The following CUL1 variants were observed in gnomAD, a reference collection of about 807,000 sequenced individuals.
The protein encoded by CUL1 is cullin 1.
A neutral mutation model predicts 118.0 loss-of-function variants in CUL1; 24 were observed. The ratio of observed to expected loss-of-function variants is 0.20; its 90% CI spans 0.15 to 0.29. CUL1 has a LOEUF of 0.29. CUL1 is among the 10% of genes least tolerant of loss of function. The pLI is 1.00. For missense variants in CUL1, 361 were observed against 933.8 expected (o/e 0.39, Z 7.99); for synonymous variants, 332 against 340.4 (o/e 0.98, Z 0.27).
chr7:148,697,949 G>A (rs1339947531), upstream of CUL1: 2 of 152,226 alleles, frequency 1.3e-5, no homozygotes, highest in African/African-American at 2.4e-5. Context: ...ATCCGTATGT[G>A]TAATCAAAGC....
upstream of CUL1, chr7:148,698,500 G>A (rs543490048): frequency 6.6e-6 from 1 of 152,304 alleles, no homozygotes; most frequent in African/African-American, 2.4e-5. Flanking sequence ...GCCGGGTCGG[G>A]GATGTCTCGG....
chr7:148,797,210 A>T (rs1801230396), intron 17 of CUL1, among the ~76,000 whole-genome samples: 1 of 152,138 alleles, frequency 6.6e-6, no homozygotes, highest in South Asian at 2.1e-4. Context: ...CTTGCTGGGC[A>T]GCTCTTTAAT....
At position 148,707,973 on chromosome 7, in the gene CUL1, A is replaced by G. The variant is rs554737967; in HGVS notation, c.-162+8944A>G. On this transcript the variant is annotated intron_variant, in intron 1 of 21. Transcript: ENST00000325222. The stretch of plus-strand genomic sequence containing the variant: ...GTGTCCCCTTCTGAGTAGGGGCCAC[A>G]TCGCTCATTTCCCAGACTTGTGGAC... Among the ~76,000 whole-genome samples, 5 of 152,314 alleles carry G rather than the reference A, an allele frequency of 3.3e-5. No homozygotes were observed. The East Asian group carries it at 9.6e-4, about 29-fold the overall frequency.
intron 9 of CUL1, among the ~76,000 whole-genome samples, chr7:148,781,079 ATTTTTTTTTT>A (rs1197920664): frequency 1.1e-5 from 1 of 93,732 alleles, no homozygotes; most frequent in South Asian, 3.7e-4. Flanking sequence ...TCAAGGCCAG[ATTTTTTTTTT>A]TTTTTTTTTT....
At chr7:148,703,542 G>GT (rs202237152) in intron 1 of CUL1, among the ~76,000 whole-genome samples, 14,657 of 147,446 alleles carry the variant, frequency 0.099, 903 homozygotes, top group East Asian at 0.23. Flanking sequence ...TTTGTTTTTT[G>GT]TTTTTTTTGA....
chr7:148,732,432 TC>T (rs1221341023), intron 2 of CUL1, among the ~76,000 whole-genome samples: 2 of 150,740 alleles, frequency 1.3e-5, no homozygotes, highest in African/African-American at 4.9e-5. Flanking sequence ...AACCTCTGTC[TC>T]CCAGGCTTAA....
At chr7:148,699,837 C>T (rs1431318772) in intron 1 of CUL1, among the ~76,000 whole-genome samples, 2 of 151,972 alleles carry the variant, frequency 1.3e-5, no homozygotes, top group East Asian at 3.9e-4. Context: ...CGGGAGCGCG[C>T]GCCCTGACCC....
intron 2 of CUL1, among the ~76,000 whole-genome samples, chr7:148,740,391 T>C (rs79270370): frequency 0.032 from 4,876 of 152,238 alleles, 273 homozygotes; most frequent in African/African-American, 0.11. Flanking sequence ...TAGCATACAA[T>C]GCACTCATTT....
intron 2 of CUL1, among the ~76,000 whole-genome samples, chr7:148,737,580 TTA>T (rs144209875): frequency 1.6e-3 from 106 of 67,490 alleles, no homozygotes; most frequent in Non-Finnish European, 1.9e-3. Context: ...ATTTTTATAT[TTA>T]TTTATTTATT....
chr7:148,698,958 T>C lies in CUL1; in HGVS notation c.-233T>C, dbSNP rs1280746917. 2 of 153,380 alleles carry C rather than the reference T, an allele frequency of 1.3e-5. No homozygotes were observed. Among genetic ancestry groups the C allele is most frequent in the Non-Finnish European group, 2.9e-5 (2 of 68,680 alleles). The allele number at this position is 153,380 out of a possible 1,614,324, so 9.5% of individuals were successfully genotyped here. Reference sequence around the variant, plus strand: ...CAGCTAGACCTTGGCGGGACGGGGCTTTCGCCGGGGCCCAGGCCCAGGGAC... The same window carrying C: ...CAGCTAGACCTTGGCGGGACGGGGCCTTCGCCGGGGCCCAGGCCCAGGGAC... On this transcript the variant is annotated 5_prime_UTR_variant, in exon 1 of 22. Coordinates refer to ENST00000325222, the MANE Select transcript of CUL1 (RefSeq NM_003592.3).
intron 2 of CUL1, among the ~76,000 whole-genome samples, chr7:148,736,964 A>G (rs775430241): frequency 6.6e-6 from 1 of 152,246 alleles, no homozygotes; most frequent in East Asian, 1.9e-4. Context: ...ATGAGTTTTT[A>G]AAAATTGCTC....
chr7:148,791,201 A>G (rs1307141960), intron 16 of CUL1, among the ~76,000 whole-genome samples: 3 of 152,154 alleles, frequency 2.0e-5, no homozygotes, highest in East Asian at 1.9e-4. Context: ...AGCTCTTTCT[A>G]CTTCCACTTT....
intron 1 of CUL1, among the ~76,000 whole-genome samples, chr7:148,713,419 T>C (rs1798113504): frequency 1.3e-5 from 2 of 152,220 alleles, no homozygotes; most frequent in African/African-American, 4.8e-5. Flanking sequence ...TTGTGGCATC[T>C]TACTTGGAAG....
intron 16 of CUL1, 81 bp downstream of exon 16, chr7:148,790,522 C>T: frequency 8.1e-7 from 1 of 1,229,678 alleles, no homozygotes; most frequent in Non-Finnish European, 1.2e-6. Context: ...TCAGCTGACT[C>T]AGCAGCAGAA....
At chr7:148,786,426 C>T in intron 11 of CUL1, 125 bp from the exon 12 acceptor site, 1 of 699,044 alleles carries the variant, frequency 1.4e-6, no homozygotes. Flanking sequence ...GTCAACCTTC[C>T]CTCTTCCTCT....
At chr7:148,755,112 T>A (rs1799614480) in intron 3 of CUL1, among the ~76,000 whole-genome samples, 1 of 152,226 alleles carries the variant, frequency 6.6e-6, no homozygotes. Flanking sequence ...AGTTTCACTG[T>A]GAATATCCAT....
intron 16 of CUL1, among the ~76,000 whole-genome samples, chr7:148,791,739 G>A (rs79319814): frequency 9.2e-5 from 14 of 152,344 alleles, no homozygotes; most frequent in African/African-American, 3.4e-4. Context: ...CCAAGGTCTT[G>A]CCGAGAGGCA....
chr7:148,752,688 G>A (rs879307504), intron 2 of CUL1, among the ~76,000 whole-genome samples: 8 of 151,832 alleles, frequency 5.3e-5, no homozygotes, highest in Non-Finnish European at 7.4e-5. Flanking sequence ...TTGCTCTGTC[G>A]CCCAGGCTGG....
At chr7:148,781,920 A>C (rs1800652330) in intron 9 of CUL1, among the ~76,000 whole-genome samples, 1 of 152,060 alleles carries the variant, frequency 6.6e-6, no homozygotes, top group South Asian at 2.1e-4. Context: ...GGGGTCTTCC[A>C]AAAAAATAGC....
Sources: gnomAD v4.1 joint callset for allele counts (sites outside exome capture counted in the v4.1 genomes callset) on GRCh38, gnomAD v4.1.1 for gene constraint, MANE v1.5 for transcripts, NCBI Gene and HGNC (gene_info 2026-07-23, HGNC 2026-07-21) for gene names.